The following LRBA variants were observed in gnomAD, a reference collection of about 807,000 sequenced individuals.
LRBA encodes the protein LPS responsive beige-like anchor protein, also known as lipopolysaccharide-responsive and beige-like anchor protein.
LRBA carries 176 observed loss-of-function variants against 330.0 expected under a neutral mutation model. The observed-to-expected ratio is 0.53, with a 90% CI of 0.47 to 0.60. The LOEUF (loss-of-function observed/expected upper bound fraction) is 0.60. LRBA is among the 20% of genes least tolerant of loss of function. LRBA has a pLI of 0.00. For synonymous variants in LRBA, 1,230 were observed against 1,193.0 expected (o/e 1.03, Z -0.64); for missense variants, 3,259 against 3,444.8 (o/e 0.95, Z 1.35).
intron 40 of LRBA, among the ~76,000 whole-genome samples, chr4:150,527,488 C>T (rs1009741145): frequency 3.3e-5 from 5 of 152,044 alleles, no homozygotes; most frequent in Non-Finnish European, 7.4e-5. Flanking sequence ...ATGAGCATTA[C>T]CAAACAAGGG....
rs1384036883 is a variant in LRBA at position 150,987,129 on chromosome 4, A to C, written c.216+27298T>G. Among the ~76,000 whole-genome samples the C allele has an allele frequency of 2.6e-5, 4 of 152,208 alleles. No homozygotes were observed. The East Asian group carries it at 7.7e-4, about 29-fold the overall frequency. On this transcript the variant is annotated intron_variant, in intron 2 of 56. Transcript: ENST00000651943. ...GAAGGGTTTTCCTCATCTATAACCA[A>C]TTAATTGGCATTTCCAGCTAGAAAT... is the stretch of plus-strand genomic sequence containing the variant.
intron 35 of LRBA, among the ~76,000 whole-genome samples, chr4:150,756,352 T>G (rs1198119242): frequency 6.6e-6 from 1 of 152,190 alleles, no homozygotes; most frequent in Non-Finnish European, 1.5e-5. Flanking sequence ...AGCAGCCAGA[T>G]CTATTTCTGC....
intron 34 of LRBA, among the ~76,000 whole-genome samples, chr4:150,777,460 G>GT (rs1455484281): frequency 6.6e-6 from 1 of 151,970 alleles, no homozygotes; most frequent in Non-Finnish European, 1.5e-5. Flanking sequence ...AAATTTAAAG[G>GT]TTTAGGTTCT....
intron 37 of LRBA, among the ~76,000 whole-genome samples, chr4:150,615,345 G>A (rs985548606): frequency 2.0e-5 from 3 of 152,188 alleles, no homozygotes; most frequent in South Asian, 4.1e-4. Flanking sequence ...GTTTTAACGT[G>A]ATCACTCCAG....
intron 40 of LRBA, among the ~76,000 whole-genome samples, chr4:150,533,906 G>A (rs1459931874): frequency 6.6e-6 from 1 of 152,092 alleles, no homozygotes; most frequent in Non-Finnish European, 1.5e-5. Flanking sequence ...TTTTATGGCA[G>A]AATGTGCCAT....
Position 150,471,726 on chromosome 4 carries a change from C to G in LRBA, c.6565G>C (p.Ala2189Pro). 6.5e-7 allele frequency: 1 copy of G among 1,540,114 alleles called. No homozygotes were observed. The highest frequency in any genetic ancestry group is 8.9e-7 in the Non-Finnish European group (1 of 1,119,490). ...GCCTTAAAAAGCTGACGTGGACTAG[C>G]TAATGAAATACGTCTGCAAGAAAAA... ...GLPQTRRISLASPRQLFKASN... is the reference protein window; with the variant it reads ...GLPQTRRISLPSPRQLFKASN... The change falls in exon 43 of 57, where the codon GCT becomes CCT. Residue 2189 changes from alanine to proline, a missense_variant. Transcript: ENST00000651943.
At position 150,599,063 on chromosome 4, in the gene LRBA, C is replaced by T. The variant is rs1358397465; in HGVS notation, c.5990G>A (p.Arg1997His). ...AGGATGTGTCGATCCTAGAGGGTTA[C>T]GCACAAATCGTCGCCGGCGCCGCAA... The part of the protein sequence containing the change: ...DDLRRRRRFV[R>H]NPLGSTHPEA... Residue 1997 changes from arginine to histidine, a missense_variant, in exon 38 of 57, where the codon CGT becomes CAT. Physicochemically the swap from Arg to His is conservative, Grantham distance 29 (BLOSUM62 0). Coordinates refer to ENST00000651943, the MANE Select transcript of LRBA (RefSeq NM_001364905.1). The T allele has an allele frequency of 6.8e-6, 11 of 1,613,888 alleles. No individual in the cohort carries two copies. Among genetic ancestry groups the T allele is most frequent in the African/African-American group, 1.3e-5 (1 of 74,900 alleles).
intron 37 of LRBA, among the ~76,000 whole-genome samples, chr4:150,608,302 T>C (rs1774877325): frequency 6.6e-6 from 1 of 152,176 alleles, no homozygotes; most frequent in African/African-American, 2.4e-5. Context: ...GTGTTTATTG[T>C]AAGCCTGGGT....
At chr4:150,993,587 G>A (rs1196425651) in intron 2 of LRBA, among the ~76,000 whole-genome samples, 1 of 152,122 alleles carries the variant, frequency 6.6e-6, no homozygotes, top group Non-Finnish European at 1.5e-5. Context: ...AGACTGGGAA[G>A]AAAAAGAAGT....
chr4:151,003,407 A>C (rs1743629316), intron 2 of LRBA, among the ~76,000 whole-genome samples: 1 of 151,982 alleles, frequency 6.6e-6, no homozygotes, highest in African/African-American at 2.4e-5. Flanking sequence ...AAAAAAAAAA[A>C]AAAAAACAAA....
intron 19 of LRBA, 137 bp downstream of exon 19, chr4:150,871,208 A>T: frequency 2.0e-6 from 1 of 494,338 alleles, no homozygotes; most frequent in Non-Finnish European, 3.8e-6. Flanking sequence ...GTACCACTGC[A>T]CTCCAGCCTG....
At chr4:150,671,392 A>T (rs1472120513) in intron 37 of LRBA, among the ~76,000 whole-genome samples, 7 of 150,454 alleles carry the variant, frequency 4.7e-5, no homozygotes, top group Non-Finnish European at 1.0e-4. Context: ...CATCGTTTTC[A>T]TCTAGGAATC....
At chr4:150,797,260 C>A (rs1316536496) in intron 34 of LRBA, among the ~76,000 whole-genome samples, 5 of 151,664 alleles carry the variant, frequency 3.3e-5, no homozygotes, top group African/African-American at 4.8e-5. Flanking sequence ...ATTCGTTAGG[C>A]AAGTAAACCA....
chr4:150,780,031 C>T (rs1192208206), intron 34 of LRBA, among the ~76,000 whole-genome samples: 1 of 152,116 alleles, frequency 6.6e-6, no homozygotes, highest in African/African-American at 2.4e-5. Context: ...TCCCACAGCA[C>T]ACAACATTAA....
chr4:150,782,907 G>A (rs574427838), intron 34 of LRBA, among the ~76,000 whole-genome samples: 9 of 113,328 alleles, frequency 7.9e-5, no homozygotes, highest in African/African-American at 2.3e-4. Flanking sequence ...ATTTAGTGCT[G>A]TGTGGCAAGA....
At chr4:150,470,347 C>T (rs1474645842) in intron 43 of LRBA, among the ~76,000 whole-genome samples, 1 of 152,108 alleles carries the variant, frequency 6.6e-6, no homozygotes, top group African/African-American at 2.4e-5. Flanking sequence ...CTCAGTTCTC[C>T]TACTATATCT....
At chr4:150,651,732 C>T (rs1221052545) in intron 37 of LRBA, among the ~76,000 whole-genome samples, 1 of 152,052 alleles carries the variant, frequency 6.6e-6, no homozygotes, top group Non-Finnish European at 1.5e-5. Context: ...GCCTGGGACA[C>T]AATATTCTTC....
At chr4:150,932,931 AAAAC>A (rs1184120046) in intron 2 of LRBA, among the ~76,000 whole-genome samples, 1 of 152,160 alleles carries the variant, frequency 6.6e-6, no homozygotes, top group Non-Finnish European at 1.5e-5. Flanking sequence ...AAAAAAAAGA[AAAAC>A]AAAAAAATAG....
intron 40 of LRBA, among the ~76,000 whole-genome samples, chr4:150,506,595 T>C (rs1301528271): frequency 6.6e-6 from 1 of 152,184 alleles, no homozygotes; most frequent in Non-Finnish European, 1.5e-5. Flanking sequence ...ATAAGAGCTA[T>C]CTATAACAAA....
Sources: gnomAD v4.1 joint callset for allele counts (sites outside exome capture counted in the v4.1 genomes callset) on GRCh38, gnomAD v4.1.1 for gene constraint, MANE v1.5 for transcripts, NCBI Gene and HGNC (gene_info 2026-07-23, HGNC 2026-07-21) for gene names.